TBL1XR1: variants seen among roughly 807,000 people sequenced by gnomAD.
The protein encoded by TBL1XR1 is F-box-like/WD repeat-containing protein TBL1XR1.
Under a neutral mutation model 66.9 loss-of-function variants are expected in TBL1XR1, and 5 were observed. That is an observed-to-expected ratio of 0.07 (90% confidence interval 0.04 to 0.16). TBL1XR1 has a LOEUF of 0.16. Ranked by LOEUF, TBL1XR1 falls within the 10% of genes least tolerant of loss-of-function variation. TBL1XR1 has a pLI of 1.00. For missense variants in TBL1XR1, 238 were observed against 623.2 expected (o/e 0.38, Z 6.58); for synonymous variants, 210 against 206.0 (o/e 1.02, Z -0.17).
intron 1 of TBL1XR1, chr3:177,194,165 A>AG (rs1483835222): frequency 6.6e-6 from 1 of 152,258 alleles, no homozygotes; most frequent in East Asian, 1.9e-4. Flanking sequence ...GCAGAGCAGG[A>AG]GATACCACCT....
At chr3:177,071,166 G>C (rs1719956488) in intron 2 of TBL1XR1, among the ~76,000 whole-genome samples, 1 of 151,254 alleles carries the variant, frequency 6.6e-6, no homozygotes, top group Non-Finnish European at 1.5e-5. Context: ...GAGCAGCTGG[G>C]ACTATAGGCA....
chr3:177,137,149 A>G (rs1389275917), intron 1 of TBL1XR1, among the ~76,000 whole-genome samples: 2 of 152,240 alleles, frequency 1.3e-5, no homozygotes, highest in South Asian at 2.1e-4. Context: ...AAGATGACTG[A>G]TTAATTCTTC....
intron 1 of TBL1XR1, among the ~76,000 whole-genome samples, chr3:177,160,039 G>A (rs1057513902): frequency 2.6e-5 from 4 of 152,108 alleles, no homozygotes; most frequent in Non-Finnish European, 5.9e-5. Flanking sequence ...GTAACCCTGA[G>A]CACATTACTT....
chr3:177,164,879 T>C (rs2108902357), intron 1 of TBL1XR1, among the ~76,000 whole-genome samples: 1 of 152,298 alleles, frequency 6.6e-6, no homozygotes, highest in South Asian at 2.1e-4. Context: ...AAATTTCAAA[T>C]ACTCTACAGC....
At chr3:177,072,487 T>A (rs1183166959) in intron 2 of TBL1XR1, among the ~76,000 whole-genome samples, 1 of 150,848 alleles carries the variant, frequency 6.6e-6, no homozygotes, top group South Asian at 2.1e-4. Flanking sequence ...AAAAAAAAAA[T>A]TCCCTGAAGA....
At chr3:177,179,891 A>G (rs953176108) in intron 1 of TBL1XR1, among the ~76,000 whole-genome samples, 14 of 152,218 alleles carry the variant, frequency 9.2e-5, no homozygotes, top group South Asian at 8.3e-4. Flanking sequence ...ATTCACCAGC[A>G]TATCTGACAC....
chr3:177,135,683 A>C (rs1187153848), intron 1 of TBL1XR1, among the ~76,000 whole-genome samples: 1 of 150,868 alleles, frequency 6.6e-6, no homozygotes, highest in Non-Finnish European at 1.5e-5. Context: ...CACCTGGCCC[A>C]CTTTGTATAT....
At chr3:177,081,157 T>C (rs1294480617) in intron 2 of TBL1XR1, among the ~76,000 whole-genome samples, 1 of 152,224 alleles carries the variant, frequency 6.6e-6, no homozygotes, top group Non-Finnish European at 1.5e-5. Flanking sequence ...TGGCAATACA[T>C]AGTATCTCCT....
intron 2 of TBL1XR1, among the ~76,000 whole-genome samples, chr3:177,079,199 A>C (rs983939428): frequency 6.6e-6 from 1 of 151,926 alleles, no homozygotes; most frequent in South Asian, 2.1e-4. Context: ...TGGAAGGCCG[A>C]GGTGGGTGGA....
intron 10 of TBL1XR1, among the ~76,000 whole-genome samples, chr3:177,041,440 C>G (rs1222120852): frequency 6.6e-6 from 1 of 152,094 alleles, no homozygotes; most frequent in Admixed American, 6.6e-5. Context: ...CTTCTTCCCT[C>G]CCCCCCATCC....
intron 1 of TBL1XR1, among the ~76,000 whole-genome samples, chr3:177,158,376 G>A (rs951223969): frequency 2.1e-4 from 32 of 151,890 alleles, no homozygotes; most frequent in Admixed American, 1.8e-3. Flanking sequence ...TTACAGGTGC[G>A]AACCACTATG....
At chr3:177,190,130 T>A (rs1330982132) in intron 1 of TBL1XR1, among the ~76,000 whole-genome samples, 2 of 51,104 alleles carry the variant, frequency 3.9e-5, no homozygotes, top group Non-Finnish European at 3.3e-5. Flanking sequence ...TGAAACTCCA[T>A]CTCAAAAAAA....
intron 1 of TBL1XR1, among the ~76,000 whole-genome samples, chr3:177,176,244 G>GA (rs982635166): frequency 1.3e-5 from 2 of 151,630 alleles, no homozygotes; most frequent in African/African-American, 4.8e-5. Context: ...GCCCAGGCTG[G>GA]AATGCAGTGG....
At chr3:177,051,174 G>A (rs1303280377) in intron 5 of TBL1XR1, among the ~76,000 whole-genome samples, 3 of 152,132 alleles carry the variant, frequency 2.0e-5, no homozygotes, top group Admixed American at 6.5e-5. Flanking sequence ...TGAACTGTGT[G>A]ATACAAGTTA....
At chr3:177,109,717 T>C (rs1048264303) in intron 1 of TBL1XR1, among the ~76,000 whole-genome samples, 1 of 151,986 alleles carries the variant, frequency 6.6e-6, no homozygotes, top group Non-Finnish European at 1.5e-5. Flanking sequence ...GTTACAATCA[T>C]AAATGCTATG....
chr3:177,026,335 C>T (rs750992529), intron 15 of TBL1XR1, 38 bp downstream of exon 15: 2 of 1,501,350 alleles, frequency 1.3e-6, no homozygotes, highest in South Asian at 1.2e-5. Context: ...TGTGAATACC[C>T]ACCCACACCC....
intron 1 of TBL1XR1, among the ~76,000 whole-genome samples, chr3:177,195,074 CCATA>C (rs1736659385): frequency 6.6e-6 from 1 of 152,012 alleles, no homozygotes; most frequent in African/African-American, 2.4e-5. Flanking sequence ...TTTTCGTCCC[CCATA>C]CAGTTTAGTA....
chr3:177,199,808 T>C (rs964599425), upstream of TBL1XR1, among the ~76,000 whole-genome samples: 1 of 152,200 alleles, frequency 6.6e-6, no homozygotes, highest in African/African-American at 2.4e-5. Flanking sequence ...TAATAATCCA[T>C]GCATTTGTTT....
chr3:177,047,206 A>G (rs1716444691), intron 9 of TBL1XR1, 94 bp downstream of exon 9: 1 of 1,009,762 alleles, frequency 9.9e-7, no homozygotes, highest in East Asian at 2.6e-5. Flanking sequence ...TTTCCCAAAT[A>G]GGAATGTTTA....
Sources: allele counts gnomAD v4.1 joint callset (sites outside exome capture counted in the v4.1 genomes callset), GRCh38; gene constraint gnomAD v4.1.1; transcripts MANE v1.5; gene names NCBI Gene and HGNC (gene_info 2026-07-23, HGNC 2026-07-21).